The following PLXDC2 variants were observed in gnomAD, a reference collection of about 807,000 sequenced individuals.
PLXDC2 encodes the protein plexin domain containing 2.
A neutral mutation model predicts 68.9 loss-of-function variants in PLXDC2; 40 were observed. The observed-to-expected ratio is 0.58, with a 90% CI of 0.45 to 0.76. The LOEUF (loss-of-function observed/expected upper bound fraction) is 0.76, where lower values mean the gene tolerates loss of function less well. PLXDC2 is among the 30% of genes least tolerant of loss of function. PLXDC2 has a pLI of 0.00. For synonymous variants in PLXDC2, 243 were observed against 234.2 expected (o/e 1.04, Z -0.34); for missense variants, 644 against 661.9 (o/e 0.97, Z 0.30).
chr10:20,233,106 T>G (rs1835386669), intron 12 of PLXDC2, among the ~76,000 whole-genome samples: 1 of 152,178 alleles, frequency 6.6e-6, no homozygotes, highest in African/African-American at 2.4e-5. Flanking sequence ...GATTCATGTT[T>G]TGCTTCCCAT....
chr10:20,111,707 C>T (rs1422882966), intron 4 of PLXDC2, among the ~76,000 whole-genome samples: 4 of 152,102 alleles, frequency 2.6e-5, no homozygotes, highest in Non-Finnish European at 5.9e-5. Flanking sequence ...TCCCAAGATG[C>T]GAGTCTCACG....
rs780939044 is a variant in PLXDC2 at position 20,001,897 on chromosome 10, C to G, written c.235C>G (p.Arg79Gly). The G allele has an allele frequency of 6.2e-7, 1 of 1,613,772 alleles. No homozygotes were observed. Among genetic ancestry groups the G allele is most frequent in the African/African-American group, 1.3e-5 (1 of 75,018 alleles). Residue 79 changes from arginine to glycine, a missense_variant, in exon 2 of 14, where the codon CGA (arginine) becomes GGA (glycine). Transcript: ENST00000377252. ...CTTTCTCAAGGCGGTAGACACGAAC[C>G]GAGCAAGCGTCGGCCAAGACTCTCC... ...LDFLKAVDTN[R>G]ASVGQDSPEP...
intron 1 of PLXDC2, among the ~76,000 whole-genome samples, chr10:19,854,657 C>A (rs943264893): frequency 1.3e-5 from 2 of 152,124 alleles, no homozygotes; most frequent in African/African-American, 4.8e-5. Flanking sequence ...TTAAAAAAAA[C>A]CTCAGTTCCT....
intron 1 of PLXDC2, among the ~76,000 whole-genome samples, chr10:19,858,137 T>A (rs1269238841): frequency 6.6e-6 from 1 of 152,158 alleles, no homozygotes; most frequent in Non-Finnish European, 1.5e-5. Flanking sequence ...ACAGAAGATA[T>A]GAATAGCAAG....
intron 1 of PLXDC2, among the ~76,000 whole-genome samples, chr10:19,822,186 A>G (rs917809313): frequency 1.3e-5 from 2 of 149,410 alleles, no homozygotes; most frequent in African/African-American, 4.9e-5. Flanking sequence ...TATATGCACT[A>G]TATAGTATAT....
intron 2 of PLXDC2, among the ~76,000 whole-genome samples, chr10:20,016,701 T>C (rs1194950002): frequency 2.6e-5 from 4 of 152,208 alleles, no homozygotes; most frequent in African/African-American, 9.7e-5. Context: ...ACTATAGTCC[T>C]CAATAACCTA....
chr10:19,983,271 T>C (rs1039292003), intron 1 of PLXDC2, among the ~76,000 whole-genome samples: 1 of 152,190 alleles, frequency 6.6e-6, no homozygotes, highest in Admixed American at 6.5e-5. Flanking sequence ...ATTAATTCTT[T>C]TTTCTGAATT....
At chr10:20,065,965 A>G (rs926710908) in intron 3 of PLXDC2, among the ~76,000 whole-genome samples, 1 of 152,238 alleles carries the variant, frequency 6.6e-6, no homozygotes, top group Non-Finnish European at 1.5e-5. Context: ...AATGAATTTA[A>G]AGAGAAGTAG....
intron 9 of PLXDC2, among the ~76,000 whole-genome samples, chr10:20,185,262 C>T (rs1834667442): frequency 6.6e-6 from 1 of 150,506 alleles, no homozygotes; most frequent in Admixed American, 6.6e-5. Flanking sequence ...CAAGGCCTCA[C>T]AGTCCATTCT....
chr10:19,974,537 C>G (rs1449691821), intron 1 of PLXDC2, among the ~76,000 whole-genome samples: 2 of 152,106 alleles, frequency 1.3e-5, no homozygotes, highest in Admixed American at 1.3e-4. Flanking sequence ...GAAGTGAAGT[C>G]AAGAATTATC....
intron 1 of PLXDC2, among the ~76,000 whole-genome samples, chr10:19,891,457 G>T (rs1234395188): frequency 6.6e-6 from 1 of 151,810 alleles, no homozygotes; most frequent in Non-Finnish European, 1.5e-5. Flanking sequence ...CTATTAGATT[G>T]TGCTATAGAG....
chr10:19,817,088 G>T lies in PLXDC2; in HGVS notation c.9G>T (p.Arg3Ser). The T allele has an allele frequency of 1.3e-6, 2 of 1,552,956 alleles. No individual in the cohort carries two copies. The highest frequency in any genetic ancestry group is 2.4e-5 in the East Asian group (1 of 41,040). The change falls in exon 1 of 14, where the codon AGG becomes AGT. Residue 3 changes from arginine to serine, a missense_variant. Physicochemically the swap from Arg to Ser is moderately radical, Grantham distance 110. Around this residue, in one of 3 missense-constraint regions of PLXDC2, gnomAD observed 201 missense variants for 166.9 expected, o/e 1.20. Transcript: ENST00000377252. MA[R>S]FPKADLAAAG... Reference sequence around the variant, plus strand: ...GAGGTGGCGGCGGCGGCATGGCGAGGTTCCCGAAGGCCGACCTGGCCGCTG... The same window carrying T: ...GAGGTGGCGGCGGCGGCATGGCGAGTTTCCCGAAGGCCGACCTGGCCGCTG...
intron 4 of PLXDC2, among the ~76,000 whole-genome samples, chr10:20,112,825 ATAT>A (rs923784322): frequency 6.6e-6 from 1 of 152,240 alleles, no homozygotes; most frequent in Non-Finnish European, 1.5e-5. Flanking sequence ...TGAAGTACTA[ATAT>A]TATAGACAAA....
chr10:20,018,125 CA>C (rs1835244514), intron 2 of PLXDC2, among the ~76,000 whole-genome samples: 1 of 152,180 alleles, frequency 6.6e-6, no homozygotes, highest in Non-Finnish European at 1.5e-5. Flanking sequence ...GATGGCAAAA[CA>C]AAATATTTCT....
chr10:19,835,343 G>A (rs1012080123), intron 1 of PLXDC2, among the ~76,000 whole-genome samples: 1 of 152,162 alleles, frequency 6.6e-6, no homozygotes, highest in African/African-American at 2.4e-5. Context: ...CAGCACTACT[G>A]GATCAATAAA....
At chr10:20,030,598 G>T (rs1264909983) in intron 2 of PLXDC2, among the ~76,000 whole-genome samples, 4 of 152,170 alleles carry the variant, frequency 2.6e-5, no homozygotes, top group African/African-American at 4.8e-5. Flanking sequence ...TTGTAGCAAA[G>T]ATTCCTGCCA....
chr10:20,150,212 C>T lies in PLXDC2; in HGVS notation c.783+2310C>T, dbSNP rs1309063427. On this transcript the variant is annotated intron_variant, in intron 6 of 13. Coordinates refer to ENST00000377252, the MANE Select transcript of PLXDC2 (RefSeq NM_032812.9). ...CCATCATTATGGTGTCCTACAGAATCTTCCCTGCCCTAAAAATTTTCTTTG... is the reference window on the plus strand; with the variant it reads ...CCATCATTATGGTGTCCTACAGAATTTTCCCTGCCCTAAAAATTTTCTTTG... Among the ~76,000 whole-genome samples, 8 of 152,302 alleles carry T rather than the reference C, an allele frequency of 5.3e-5. No homozygotes were observed. In the East Asian group the frequency reaches 1.4e-3, roughly 26 times the overall value.
intron 2 of PLXDC2, among the ~76,000 whole-genome samples, chr10:20,009,522 TC>T (rs1835076056): frequency 6.6e-6 from 1 of 151,858 alleles, no homozygotes; most frequent in Non-Finnish European, 1.5e-5. Context: ...ATTGAAATCT[TC>T]CAAATGCTTG....
At chr10:20,235,746 T>G (rs1835424025) in intron 12 of PLXDC2, among the ~76,000 whole-genome samples, 1 of 152,212 alleles carries the variant, frequency 6.6e-6, no homozygotes, top group Non-Finnish European at 1.5e-5. Context: ...TTCAGAAAAC[T>G]TAATGGATTT....
Sources: gnomAD v4.1 joint callset for allele counts (sites outside exome capture counted in the v4.1 genomes callset) on GRCh38, gnomAD v4.1.1 for gene constraint, gnomAD v4.1.1 regional missense constraint, MANE v1.5 for transcripts, NCBI Gene and HGNC (gene_info 2026-07-23, HGNC 2026-07-21) for gene names.